Variants in ZFAND6 observed in about 807,000 individuals in gnomAD.
The protein encoded by ZFAND6 is AN1-type zinc finger protein 6.
A neutral mutation model predicts 24.5 loss-of-function variants in ZFAND6; 12 were observed. The observed-to-expected ratio is 0.49, with a 90% CI of 0.31 to 0.79. The LOEUF (loss-of-function observed/expected upper bound fraction) is 0.79. Among genes scored for constraint, ZFAND6 ranks in the 30% least tolerant of loss-of-function variants. ZFAND6 has a pLI of 0.04. For synonymous variants in ZFAND6, 92 were observed against 81.5 expected (o/e 1.13, Z -0.69); for missense variants, 207 against 245.9 (o/e 0.84, Z 1.06).
At chr15:80,119,835 C>T (rs945322304) in intron 2 of ZFAND6, among the ~76,000 whole-genome samples, 21 of 152,110 alleles carry the variant, frequency 1.4e-4, no homozygotes, top group African/African-American at 5.1e-4. Context: ...AGCATTCAGC[C>T]CAGTTCTCCA....
chr15:80,136,733 T>C (rs2040882217), intron 6 of ZFAND6, among the ~76,000 whole-genome samples: 2 of 152,222 alleles, frequency 1.3e-5, no homozygotes, highest in South Asian at 4.1e-4. Context: ...AATTCTAATT[T>C]GGGGGAGCAG....
intron 5 of ZFAND6, among the ~76,000 whole-genome samples, chr15:80,129,028 G>A (rs1299448972): frequency 1.3e-5 from 2 of 152,102 alleles, no homozygotes; most frequent in South Asian, 2.1e-4. Context: ...GGTTAGATAT[G>A]GCTTACAGGT....
intron 2 of ZFAND6, among the ~76,000 whole-genome samples, chr15:80,102,786 T>C (rs1194464612): frequency 6.6e-6 from 1 of 152,130 alleles, no homozygotes; most frequent in East Asian, 1.9e-4. Flanking sequence ...TTAGGGGAGA[T>C]ACCAAAGGAT....
intron 1 of ZFAND6, among the ~76,000 whole-genome samples, chr15:80,066,336 G>A (rs114473709): frequency 0.018 from 2,665 of 150,186 alleles, 89 homozygotes; most frequent in African/African-American, 0.061. Context: ...AAAAAAAAAC[G>A]GAGTCTCACT....
At chr15:80,070,911 C>T (rs4778581) in intron 1 of ZFAND6, among the ~76,000 whole-genome samples, 80,417 of 151,926 alleles carry the variant, frequency 0.53, 23,284 homozygotes, top group Non-Finnish European at 0.65. Flanking sequence ...TCTGTACCTC[C>T]TCTGCTTCCA....
chr15:80,094,302 A>C (rs1385233483), intron 1 of ZFAND6, among the ~76,000 whole-genome samples: 1 of 152,178 alleles, frequency 6.6e-6, no homozygotes, highest in African/African-American at 2.4e-5. Flanking sequence ...TGGCATTACC[A>C]CTTGAGCTCC....
rs74358257 is a variant in ZFAND6 at position 80,095,369 on chromosome 15, T to C, written c.-180-3047T>C. The stretch of plus-strand genomic sequence containing the variant: ...AGGCACATGTCCACTTGTTTCCTTA[T>C]CAGTGATACTTACTTAGATCTTTAG... On this transcript the variant is annotated intron_variant, in intron 1 of 6. Transcript: ENST00000261749. 8.8e-3 allele frequency among the ~76,000 whole-genome samples: 1,347 copies of C among 152,310 alleles called. 22 individuals carry two copies. The highest frequency in any genetic ancestry group is 0.031 in the African/African-American group (1,278 of 41,560).
intron 5 of ZFAND6, chr15:80,130,296 G>A (rs2040541215): frequency 6.6e-6 from 1 of 152,166 alleles, no homozygotes; most frequent in Non-Finnish European, 1.5e-5. Context: ...TGGGGAAAAA[G>A]GAAACCCTTT....
intron 2 of ZFAND6, among the ~76,000 whole-genome samples, chr15:80,099,804 G>A (rs2038938945): frequency 6.6e-6 from 1 of 151,974 alleles, no homozygotes; most frequent in African/African-American, 2.4e-5. Context: ...TTACAAAGAG[G>A]TGGGGTTTCA....
intron 5 of ZFAND6, among the ~76,000 whole-genome samples, chr15:80,123,551 A>G (rs992749088): frequency 1.3e-5 from 2 of 152,258 alleles, no homozygotes; most frequent in African/African-American, 4.8e-5. Flanking sequence ...TTCATTGCAC[A>G]TGGTGTTCAC....
chr15:80,135,245 C>T (rs750725144), intron 6 of ZFAND6, among the ~76,000 whole-genome samples: 8 of 152,166 alleles, frequency 5.3e-5, no homozygotes, highest in Non-Finnish European at 1.0e-4. Flanking sequence ...TATAAGAATA[C>T]ATTATATATT....
At chr15:80,066,185 AG>A (rs886204284) in intron 1 of ZFAND6, among the ~76,000 whole-genome samples, 1 of 152,190 alleles carries the variant, frequency 6.6e-6, no homozygotes, top group African/African-American at 2.4e-5. Flanking sequence ...ACAAGTGTCT[AG>A]GAAGTAAATA....
chr15:80,067,338 T>C (rs190568012), intron 1 of ZFAND6, among the ~76,000 whole-genome samples: 1 of 152,362 alleles, frequency 6.6e-6, no homozygotes, highest in East Asian at 1.9e-4. Flanking sequence ...TTCAGTTTTC[T>C]CTACTCAAGA....
intron 1 of ZFAND6, among the ~76,000 whole-genome samples, chr15:80,084,625 A>G (rs184612976): frequency 6.6e-6 from 1 of 152,348 alleles, no homozygotes; most frequent in East Asian, 1.9e-4. Flanking sequence ...CAGAGAGATG[A>G]TAGTTTCCTT....
At chr15:80,137,332 A>G (rs2040910040) in intron 6 of ZFAND6, 148 bp from the exon 7 acceptor site, 2 of 891,306 alleles carry the variant, frequency 2.2e-6, no homozygotes, top group Middle Eastern at 2.3e-4. Flanking sequence ...GGTAGTGAAT[A>G]AGAATGTAGT....
intron 1 of ZFAND6, chr15:80,073,379 CTTAT>C (rs1458279546): frequency 7.3e-6 from 2 of 275,582 alleles, no homozygotes; most frequent in Non-Finnish European, 1.5e-5. Flanking sequence ...ATTTACATTT[CTTAT>C]TTATGACGTA....
Position 80,121,794 on chromosome 15 carries a change from C to T in ZFAND6, c.237C>T (p.Asp79=). ...TGCCAGAAGCCCAGTCAGCATTAGA[C>T]TCTACATCTTCATCTATGCAGCCCA... ...GSVPEAQSAL[D]STSSSMQPSP... The change falls in exon 4 of 7, where the codon GAC becomes GAT. Residue 79 remains aspartate, a synonymous_variant. Transcript: ENST00000261749. 6.2e-7 allele frequency: 1 copy of T among 1,613,788 alleles called. No homozygotes were observed. Among genetic ancestry groups the T allele is most frequent in the Non-Finnish European group, 8.5e-7 (1 of 1,179,770 alleles).
chr15:80,074,835 G>A (rs2037174665), intron 1 of ZFAND6, among the ~76,000 whole-genome samples: 1 of 151,894 alleles, frequency 6.6e-6, no homozygotes. Flanking sequence ...GTTGAGTAAC[G>A]TTCTAGAATA....
At chr15:80,107,932 G>T (rs1033641314) in intron 2 of ZFAND6, among the ~76,000 whole-genome samples, 57 of 152,276 alleles carry the variant, frequency 3.7e-4, no homozygotes, top group African/African-American at 1.3e-3. Flanking sequence ...GGAGTCCACA[G>T]ATACGCTTTG....
Sources: gnomAD v4.1 joint callset for allele counts (sites outside exome capture counted in the v4.1 genomes callset) on GRCh38, gnomAD v4.1.1 for gene constraint, MANE v1.5 for transcripts, NCBI Gene and HGNC (gene_info 2026-07-23, HGNC 2026-07-21) for gene names.